The following SLC25A29 variants were observed in gnomAD, a reference collection of about 807,000 sequenced individuals.
SLC25A29 encodes the protein solute carrier family 25 member 29, also known as mitochondrial basic amino acids transporter.
Under a neutral mutation model 10.0 loss-of-function variants are expected in SLC25A29, and 13 were observed. The ratio of observed to expected loss-of-function variants is 1.30; its 90% CI spans 0.85 to 2.07. The LOEUF is 2.07. SLC25A29 is among the 30% of genes most tolerant of loss of function. The probability of loss-of-function intolerance (pLI) is 0.00; values close to 1 mark genes in which losing one functional copy is unlikely to be tolerated. For synonymous variants in SLC25A29, 244 were observed against 221.1 expected, an observed-to-expected ratio of 1.10 and a Z score of -0.92; for missense variants, 475 against 447.6, an observed-to-expected ratio of 1.06 and a Z score of -0.55.
intron 2 of SLC25A29, chr14:100,293,612 C>T (rs1449599601): frequency 7.1e-6 from 4 of 560,880 alleles, no homozygotes; most frequent in Non-Finnish European, 1.3e-5. Flanking sequence ...TAGGGGGTCC[C>T]CAAGATCTCA....
intron 2 of SLC25A29, among the ~76,000 whole-genome samples, chr14:100,296,780 A>G (rs934257441): frequency 6.6e-6 from 1 of 151,762 alleles, no homozygotes. Flanking sequence ...TTGTATGTTT[A>G]GTAGAGACAG....
chr14:100,293,777 C>A, intron 2 of SLC25A29: 1 of 181,274 alleles, frequency 5.5e-6, no homozygotes, highest in Non-Finnish European at 1.2e-5. Context: ...TGAAGGGCCC[C>A]TGCCCTAATG....
chr14:100,279,828 G>C, the SLC25A29 span: 1 of 152,324 alleles, frequency 6.6e-6, no homozygotes, highest in Non-Finnish European at 1.5e-5. Flanking sequence ...AGGGCCCACC[G>C]CAGAGCACAC....
chr14:100,288,382 CAAA>C (rs541814439), downstream of SLC25A29, among the ~76,000 whole-genome samples: 33 of 63,836 alleles, frequency 5.2e-4, no homozygotes, highest in Admixed American at 5.4e-3. Context: ...AACTCTATCT[CAAA>C]AAAAAAAAAA....
the SLC25A29 span, among the ~76,000 whole-genome samples, chr14:100,286,021 C>T: frequency 1.4e-4 from 21 of 152,264 alleles, no homozygotes; most frequent in African/African-American, 4.6e-4. Context: ...TACCATCACC[C>T]TGCCTGTAGG....
intron 2 of SLC25A29, among the ~76,000 whole-genome samples, chr14:100,297,060 T>C (rs1199602710): frequency 2.6e-5 from 4 of 151,914 alleles, no homozygotes; most frequent in African/African-American, 9.7e-5. Flanking sequence ...TAAGCCAAGG[T>C]CGCGCCACTG....
At chr14:100,306,112 G>T in intron 1 of SLC25A29, 87 bp downstream of exon 1, 4 of 1,020,704 alleles carry the variant, frequency 3.9e-6, no homozygotes, top group Non-Finnish European at 5.3e-6. Context: ...CCGCCAGCGG[G>T]AAGCCGCGAG....
chr14:100,306,309 G>C lies in SLC25A29; in HGVS notation c.-77C>G. On this transcript the variant is annotated 5_prime_UTR_variant, in exon 1 of 4. Transcript: ENST00000359232. ...CCTCGCCGGGCTGGGCGCCGTCGGG[G>C]TCCCCGAGCGCGCGGTGCCGGGGCT... 1 of 1,286,740 alleles carries C rather than the reference G, an allele frequency of 7.8e-7. No individual in the cohort carries two copies. The highest frequency in any genetic ancestry group is 9.8e-7 in the Non-Finnish European group (1 of 1,016,364). The allele number at this position is 1,286,740 out of a possible 1,614,324, so 79.7% of individuals were successfully genotyped here.
At chr14:100,284,485 C>T in the SLC25A29 span, among the ~76,000 whole-genome samples, 15 of 152,156 alleles carry the variant, frequency 9.9e-5, no homozygotes, top group African/African-American at 3.6e-4. Context: ...TTCCCTACTT[C>T]CTACCGAAAA....
chr14:100,296,045 T>G lies in SLC25A29; in HGVS notation c.79-2668A>C, dbSNP rs1043329105. The G allele has an allele frequency of 6.4e-5, 82 of 1,281,458 alleles. 1 individual carries two copies. The Admixed American group carries it at 1.8e-3, about 29-fold the overall frequency. 79.4% of individuals were successfully genotyped at this position (1,281,458 alleles called of 1,614,324 possible). ...AGCCATGAGATAGTCTGTGGCCATG[T>G]GACAGTACGGACTGACACAGACTCG... On this transcript the variant is annotated intron_variant, in intron 2 of 3. Coordinates refer to ENST00000359232, the MANE Select transcript of SLC25A29 (RefSeq NM_001039355.3).
intron 3 of SLC25A29, 57 bp from the exon 4 acceptor site, chr14:100,293,089 G>A (rs1891879209): frequency 1.4e-6 from 2 of 1,472,422 alleles, no homozygotes; most frequent in South Asian, 1.4e-5. Context: ...GGCCCTCCAC[G>A]CGGAAGGGGG....
chr14:100,288,382 C>CAAAAAAA (rs541814439), downstream of SLC25A29, among the ~76,000 whole-genome samples: 23 of 63,770 alleles, frequency 3.6e-4, no homozygotes, highest in South Asian at 9.6e-4. Flanking sequence ...AACTCTATCT[C>CAAAAAAA]AAAAAAAAAA....
At chr14:100,295,960 G>C in intron 2 of SLC25A29, 1 of 1,289,778 alleles carries the variant, frequency 7.8e-7, no homozygotes. Flanking sequence ...CTATAGAGGA[G>C]ATCCAGATCT....
At chr14:100,285,814 C>T in the SLC25A29 span, among the ~76,000 whole-genome samples, 6 of 152,128 alleles carry the variant, frequency 3.9e-5, no homozygotes, top group Non-Finnish European at 5.9e-5. Context: ...GGACGCCCCC[C>T]CTTCCCCCCG....
At chr14:100,287,343 C>T (rs1378134237), downstream of SLC25A29, among the ~76,000 whole-genome samples, 1 of 152,266 alleles carries the variant, frequency 6.6e-6, no homozygotes, top group Non-Finnish European at 1.5e-5. Flanking sequence ...CACCAAGGAC[C>T]TGAGCACCAG....
intron 2 of SLC25A29, chr14:100,296,025 T>C: frequency 7.8e-7 from 1 of 1,286,630 alleles, no homozygotes; most frequent in East Asian, 5.6e-5. Flanking sequence ...GTCCCAGCCA[T>C]GAGATAGTCT....
intron 1 of SLC25A29, among the ~76,000 whole-genome samples, chr14:100,302,087 C>A (rs1303488815): frequency 2.0e-5 from 3 of 151,958 alleles, no homozygotes; most frequent in African/African-American, 7.3e-5. Context: ...ACTCTGTCGC[C>A]CAGGCTGGAA....
At chr14:100,296,179 T>G (rs1892136088) in intron 2 of SLC25A29, 2 of 470,958 alleles carry the variant, frequency 4.2e-6, no homozygotes, top group Non-Finnish European at 7.0e-6. Flanking sequence ...ATCCCAGCAC[T>G]TTGGGAGGCC....
the SLC25A29 span, among the ~76,000 whole-genome samples, chr14:100,285,045 G>GC: frequency 1.9e-5 from 1 of 53,096 alleles, no homozygotes; most frequent in Non-Finnish European, 3.3e-5. Context: ...CTAAAAAAGC[G>GC]GGGGGGGGCG....
Sources: allele counts gnomAD v4.1 joint callset (sites outside exome capture counted in the v4.1 genomes callset), GRCh38; gene constraint gnomAD v4.1.1; transcripts MANE v1.5; gene names NCBI Gene and HGNC (gene_info 2026-07-23, HGNC 2026-07-21).